CSTPP1: variants seen among roughly 807,000 people sequenced by gnomAD.
CSTPP1 encodes the protein UPF0705 protein C11orf49.
chr11:47,119,749 T>A, the CSTPP1 span, among the ~76,000 whole-genome samples: 19 of 151,842 alleles, frequency 1.3e-4, no homozygotes, highest in East Asian at 3.7e-3. Context: ...GTAGCTGGGA[T>A]TACAGGCATG....
the CSTPP1 span, among the ~76,000 whole-genome samples, chr11:47,130,178 ACTC>A: frequency 6.7e-6 from 1 of 149,742 alleles, no homozygotes; most frequent in Non-Finnish European, 1.5e-5. Flanking sequence ...ACTCGCTTGA[ACTC>A]GGGAGGCAGC....
chr11:46,987,402 G>A, the CSTPP1 span: 3 of 1,063,620 alleles, frequency 2.8e-6, no homozygotes, highest in Non-Finnish European at 2.9e-6. Context: ...GGACAATGCT[G>A]ATTAGGTAGT....
the CSTPP1 span, among the ~76,000 whole-genome samples, chr11:47,028,203 G>C: frequency 7.4e-3 from 1,122 of 152,218 alleles, 12 homozygotes; most frequent in African/African-American, 0.022. Context: ...GATTACAGGC[G>C]TGAGCCATCA....
chr11:46,999,017 G>C, the CSTPP1 span, among the ~76,000 whole-genome samples: 1 of 151,948 alleles, frequency 6.6e-6, no homozygotes. Context: ...TGGGATTACA[G>C]GTGTGAGCCA....
chr11:46,999,391 C>T, the CSTPP1 span, among the ~76,000 whole-genome samples: 1 of 152,250 alleles, frequency 6.6e-6, no homozygotes, highest in Non-Finnish European at 1.5e-5. Flanking sequence ...TTCAAGTTCA[C>T]AAGCTGTTAA....
the CSTPP1 span, among the ~76,000 whole-genome samples, chr11:47,038,947 C>G: frequency 0.04 from 4,454 of 112,056 alleles, 1,182 homozygotes; most frequent in Non-Finnish European, 0.066. Context: ...GAGGATGGGC[C>G]GCCGGGCAGA....
At chr11:47,072,303 G>A in the CSTPP1 span, among the ~76,000 whole-genome samples, 3 of 152,164 alleles carry the variant, frequency 2.0e-5, no homozygotes, top group African/African-American at 7.2e-5. Context: ...TGACCAGAAG[G>A]AACTTAGTAG....
chr11:47,017,121 G>T, the CSTPP1 span, among the ~76,000 whole-genome samples: 4 of 150,216 alleles, frequency 2.7e-5, no homozygotes, highest in African/African-American at 4.9e-5. Flanking sequence ...AAAGTGCTGG[G>T]ATTACAGGTG....
At chr11:46,938,320 A>G in the CSTPP1 span, among the ~76,000 whole-genome samples, 2 of 148,016 alleles carry the variant, frequency 1.4e-5, no homozygotes, top group Admixed American at 1.4e-4. Context: ...ATATATTTAT[A>G]ATATATAATA....
chr11:47,033,736 CCA>C, the CSTPP1 span, among the ~76,000 whole-genome samples: 2 of 152,178 alleles, frequency 1.3e-5, no homozygotes, highest in Non-Finnish European at 2.9e-5. Context: ...TGTAATCCTC[CCA>C]GACTTTCTTG....
the CSTPP1 span, among the ~76,000 whole-genome samples, chr11:47,010,524 T>C: frequency 6.6e-6 from 1 of 152,316 alleles, no homozygotes; most frequent in Non-Finnish European, 1.5e-5. Flanking sequence ...GATTCCTGTC[T>C]GTTTTTCAAG....
chr11:47,038,558 C>T, the CSTPP1 span, among the ~76,000 whole-genome samples: 25 of 93,162 alleles, frequency 2.7e-4, no homozygotes, highest in East Asian at 6.6e-4. Flanking sequence ...ACCTCCCGGA[C>T]GGGGCGGCTG....
At chr11:46,940,270 A>C in the CSTPP1 span, among the ~76,000 whole-genome samples, 1 of 152,226 alleles carries the variant, frequency 6.6e-6, no homozygotes, top group African/African-American at 2.4e-5. Context: ...CCAGTCCCGC[A>C]CTGGTAAACA....
chr11:47,024,704 C>T, the CSTPP1 span, among the ~76,000 whole-genome samples: 1 of 152,038 alleles, frequency 6.6e-6, no homozygotes, highest in Non-Finnish European at 1.5e-5. Context: ...AGGTGAACCC[C>T]TTGTTAAATT....
the CSTPP1 span, among the ~76,000 whole-genome samples, chr11:47,071,671 A>G: frequency 2.0e-5 from 3 of 152,220 alleles, no homozygotes; most frequent in Non-Finnish European, 4.4e-5. Context: ...ACTACCAATC[A>G]GTTCAGCCTG....
the CSTPP1 span, among the ~76,000 whole-genome samples, chr11:47,073,791 T>A: frequency 6.6e-6 from 1 of 152,206 alleles, no homozygotes; most frequent in African/African-American, 2.4e-5. Context: ...ACAAACTATA[T>A]TTTTGTATAC....
At chr11:46,954,951 A>G in the CSTPP1 span, among the ~76,000 whole-genome samples, 1 of 152,206 alleles carries the variant, frequency 6.6e-6, no homozygotes, top group Non-Finnish European at 1.5e-5. Flanking sequence ...CAACCGTCAA[A>G]TAAACACACC....
the CSTPP1 span, chr11:47,164,005 G>A: frequency 6.9e-7 from 1 of 1,439,872 alleles, no homozygotes; most frequent in Admixed American, 2.3e-5. Flanking sequence ...GCCGTGACAA[G>A]GGGCAGGACT....
chr11:46,975,357 G>A, the CSTPP1 span, among the ~76,000 whole-genome samples: 1 of 152,088 alleles, frequency 6.6e-6, no homozygotes, highest in African/African-American at 2.4e-5. Flanking sequence ...AAAAATTCTG[G>A]AGACATTTTT....
Sources: gnomAD v4.1 joint callset for allele counts (sites outside exome capture counted in the v4.1 genomes callset) on GRCh38, gnomAD v4.1.1 for gene constraint, MANE v1.5 for transcripts, NCBI Gene and HGNC (gene_info 2026-07-23, HGNC 2026-07-21) for gene names.